Variants in AGAP4 observed in about 807,000 individuals in gnomAD.
The protein encoded by AGAP4 is ArfGAP with GTPase domain, ankyrin repeat and PH domain 4.
In AGAP4, 13 loss-of-function variants were observed where a neutral mutation model predicts 60.7. The observed-to-expected ratio is 0.21, with a 90% CI of 0.14 to 0.34. AGAP4 has a LOEUF of 0.34. AGAP4 is among the 10% of genes least tolerant of loss of function. The pLI, the probability that AGAP4 is intolerant of heterozygous loss-of-function variation, is 1.00. For missense variants in AGAP4, 169 were observed against 884.0 expected, an observed-to-expected ratio of 0.19 and a Z score of 10.26; for synonymous variants, 70 against 339.0, an observed-to-expected ratio of 0.21 and a Z score of 8.72.
chr10:45,854,226 G>A, upstream of AGAP4: 1 of 183,380 alleles, frequency 5.5e-6, no homozygotes, highest in Non-Finnish European at 1.2e-5. Flanking sequence ...TGAAGGGACT[G>A]ACTGCACCAT....
At chr10:45,844,711 G>C (rs2058974127) in intron 2 of AGAP4, among the ~76,000 whole-genome samples, 1 of 145,322 alleles carries the variant, frequency 6.9e-6, no homozygotes, top group African/African-American at 2.6e-5. Context: ...TTTGAGTTGT[G>C]TAAAATCAAC....
At chr10:45,842,555 G>A (rs1248821383) in intron 3 of AGAP4, among the ~76,000 whole-genome samples, 1 of 149,106 alleles carries the variant, frequency 6.7e-6, no homozygotes, top group Non-Finnish European at 1.5e-5. Flanking sequence ...AAATTTTGAT[G>A]TTAAAATAAG....
In AGAP4 at chr10:45,834,813, G is replaced by A. The variant is rs1223594665; in HGVS notation, c.397-697C>T. ...TTTTGAGACGGAGTCTCGCTCTGTC[G>A]CCCAGACTGGAGTGCAGTGGCGCGA... On this transcript the variant is annotated intron_variant, in intron 4 of 7. Transcript: ENST00000616763. Among the ~76,000 whole-genome samples, 524 of 142,516 alleles carry A rather than the reference G, an allele frequency of 3.7e-3. 3 individuals are homozygous for A. The highest frequency in any genetic ancestry group is 4.9e-3 in the Non-Finnish European group (333 of 67,408). The allele number at this position is 142,516 out of a possible 152,430, so 93.5% of individuals were successfully genotyped here.
upstream of AGAP4, chr10:45,847,550 C>T (rs1484406706): frequency 5.9e-5 from 86 of 1,448,678 alleles, no homozygotes; most frequent in South Asian, 2.6e-4. Flanking sequence ...GGCCAAGGCC[C>T]GCACCCTGCT....
chr10:45,830,157 T>C (rs1443919395), intron 6 of AGAP4, among the ~76,000 whole-genome samples: 2 of 149,386 alleles, frequency 1.3e-5, no homozygotes, highest in African/African-American at 4.9e-5. Flanking sequence ...TGCATGAGGT[T>C]AGGTCATCTT....
At chr10:45,836,167 A>G (rs2058814372) in intron 4 of AGAP4, among the ~76,000 whole-genome samples, 3 of 148,846 alleles carry the variant, frequency 2.0e-5, no homozygotes, top group South Asian at 4.4e-4. Context: ...TAAAAATACT[A>G]AAGTTGTTTT....
chr10:45,834,968 T>A (rs1292039129), intron 4 of AGAP4, among the ~76,000 whole-genome samples: 2 of 146,170 alleles, frequency 1.4e-5, no homozygotes, highest in Admixed American at 6.7e-5. Flanking sequence ...AGAGACGGGG[T>A]TTCACCGTGT....
At chr10:45,830,774 C>G (rs4042177) in intron 6 of AGAP4, among the ~76,000 whole-genome samples, 2 of 127,452 alleles carry the variant, frequency 1.6e-5, no homozygotes, top group African/African-American at 3.0e-5. Flanking sequence ...CGTGAGCCAC[C>G]GTGCCCAACC....
upstream of AGAP4, chr10:45,848,978 T>TA (rs1554899999): frequency 2.0e-5 from 3 of 150,208 alleles, no homozygotes; most frequent in African/African-American, 4.9e-5. Context: ...GTAACCCTAG[T>TA]ACTTTGGGAG....
In AGAP4 at chr10:45,832,430, G is replaced by A. The variant is rs1442369677; in HGVS notation, c.498-1001C>T. Among the ~76,000 whole-genome samples the A allele has an allele frequency of 8.7e-5, 13 of 149,184 alleles. 2 individuals are homozygous for A. The highest frequency in any genetic ancestry group is 1.9e-4 in the East Asian group (1 of 5,182). On this transcript the variant is annotated intron_variant, in intron 5 of 7. Coordinates refer to ENST00000616763, the MANE Select transcript of AGAP4 (RefSeq NM_001276343.3). ...TCAAACTTTGCTGCACATTAAAATC[G>A]CCTGAGAAGCTTTAATATCTGCCTC...
chr10:45,830,005 T>C (rs2058705764), intron 6 of AGAP4, among the ~76,000 whole-genome samples: 1 of 145,472 alleles, frequency 6.9e-6, no homozygotes. Context: ...CAATGAGTAC[T>C]GATGGAATAA....
chr10:45,851,199 G>A (rs1325720657), upstream of AGAP4, among the ~76,000 whole-genome samples: 2 of 152,054 alleles, frequency 1.3e-5, no homozygotes, highest in Non-Finnish European at 2.9e-5. Context: ...ATAGTAAGGA[G>A]AACTGGGAAG....
At chr10:45,838,291 G>A (rs2058856627) in intron 4 of AGAP4, among the ~76,000 whole-genome samples, 1 of 151,430 alleles carries the variant, frequency 6.6e-6, no homozygotes, top group African/African-American at 2.4e-5. Flanking sequence ...GGGACTTGGG[G>A]GAAAGGCTGG....
chr10:45,836,872 T>G (rs1428858908), intron 4 of AGAP4, among the ~76,000 whole-genome samples: 2 of 146,050 alleles, frequency 1.4e-5, no homozygotes, highest in Non-Finnish European at 3.0e-5. Flanking sequence ...GATTATCTTT[T>G]TTTTTTTTTT....
Position 45,844,602 on chromosome 10 carries a change from C to A in AGAP4, c.293-208G>T. ...ACTCAGGAGGCTGAGATGGGAAAAT[C>A]ACTTGAACCCAGGTCAGGAAGTTGA... is the stretch of plus-strand genomic sequence containing the variant. On this transcript the variant is annotated intron_variant, in intron 2 of 7. Transcript: ENST00000616763. 5 of 497,878 alleles carry A rather than the reference C, an allele frequency of 1.0e-5. No homozygotes were observed. In the South Asian group the frequency reaches 1.5e-4, roughly 15 times the overall value. 30.8% of individuals were successfully genotyped at this position (497,878 alleles called of 1,614,324 possible).
At chr10:45,841,539 C>G (rs1448054345) in intron 4 of AGAP4, 114 bp downstream of exon 4, 1 of 627,192 alleles carries the variant, frequency 1.6e-6, no homozygotes, top group Admixed American at 3.3e-5. Flanking sequence ...AGAAAATCCA[C>G]AAAAAGAGGT....
At chr10:45,840,058 C>G (rs1308575052) in intron 4 of AGAP4, among the ~76,000 whole-genome samples, 1 of 149,072 alleles carries the variant, frequency 6.7e-6, no homozygotes, top group East Asian at 1.9e-4. Context: ...AAAAAATTCT[C>G]AAGAAGAGAT....
upstream of AGAP4, among the ~76,000 whole-genome samples, chr10:45,849,457 AGATGAT>A (rs1219114195): frequency 6.9e-6 from 1 of 145,322 alleles, no homozygotes. Flanking sequence ...ATGACATTGT[AGATGAT>A]GATGATGATG....
rs1161208949 is a variant in AGAP4 at position 45,834,796 on chromosome 10, C to T, written c.397-680G>A. 2.8e-5 allele frequency among the ~76,000 whole-genome samples: 4 copies of T among 141,592 alleles called. 1 individual carries two copies. The highest frequency in any genetic ancestry group is 8.8e-5 in the African/African-American group (3 of 34,030). 92.9% of individuals were successfully genotyped at this position (141,592 alleles called of 152,430 possible). ...TTAATTTATTTATTTATTTTTGAGA[C>T]GGAGTCTCGCTCTGTCGCCCAGACT... On this transcript the variant is annotated intron_variant, in intron 4 of 7. Transcript: ENST00000616763.
Sources: gnomAD v4.1 joint callset for allele counts (sites outside exome capture counted in the v4.1 genomes callset) on GRCh38, gnomAD v4.1.1 for gene constraint, MANE v1.5 for transcripts, NCBI Gene and HGNC (gene_info 2026-07-23, HGNC 2026-07-21) for gene names.